LGR6: variants seen among roughly 807,000 people sequenced by gnomAD.
LGR6 encodes the protein leucine-rich repeat-containing G protein-coupled receptor 6.
Under a neutral mutation model 69.4 loss-of-function variants are expected in LGR6, and 45 were observed. The observed-to-expected ratio is 0.65, with a 90% confidence interval of 0.51 to 0.83. The LOEUF (loss-of-function observed/expected upper bound fraction) is 0.83. Ranked by LOEUF, LGR6 falls within the 40% of genes least tolerant of loss-of-function variation. LGR6 has a pLI of 0.00. For synonymous variants in LGR6, 538 were observed against 555.0 expected (o/e 0.97, Z 0.43); for missense variants, 1,108 against 1,246.7 (o/e 0.89, Z 1.68).
chr1:202,273,775 G>T (rs1443665872), intron 4 of LGR6, among the ~76,000 whole-genome samples: 2 of 152,020 alleles, frequency 1.3e-5, no homozygotes, highest in Admixed American at 6.5e-5. Context: ...ACCTCTTAAG[G>T]ATATCCAAAA....
At chr1:202,238,209 C>T (rs1661774228) in intron 4 of LGR6, among the ~76,000 whole-genome samples, 1 of 151,418 alleles carries the variant, frequency 6.6e-6, no homozygotes, top group Non-Finnish European at 1.5e-5. Context: ...CCACCCCTCA[C>T]CTTAGCCTCC....
At chr1:202,304,708 T>C in intron 11 of LGR6, 78 bp downstream of exon 11, 1 of 1,141,610 alleles carries the variant, frequency 8.8e-7, no homozygotes, top group East Asian at 2.4e-5. Context: ...CTCCTGCTTC[T>C]GTCCCACTTG....
At chr1:202,270,230 T>TTTTTGTTTTTGC (rs1664976853) in intron 4 of LGR6, among the ~76,000 whole-genome samples, 1 of 151,534 alleles carries the variant, frequency 6.6e-6, no homozygotes, top group Non-Finnish European at 1.5e-5. Context: ...TTTTGTTTTG[T>TTTTTGTTTTTGC]TTTTGTTTTT....
At chr1:202,302,540 G>A (rs552298033) in intron 9 of LGR6, among the ~76,000 whole-genome samples, 28 of 152,210 alleles carry the variant, frequency 1.8e-4, no homozygotes, top group Non-Finnish European at 3.4e-4. Flanking sequence ...AGAACTGATA[G>A]TTCTCTTTTT....
intron 4 of LGR6, among the ~76,000 whole-genome samples, chr1:202,239,183 T>C (rs1295661092): frequency 1.3e-5 from 2 of 152,182 alleles, no homozygotes; most frequent in South Asian, 4.1e-4. Context: ...GCTGTCTTGC[T>C]GGCGTACGCA....
intron 2 of LGR6, among the ~76,000 whole-genome samples, chr1:202,226,591 A>C (rs1660570528): frequency 6.6e-6 from 1 of 152,104 alleles, no homozygotes; most frequent in African/African-American, 2.4e-5. Flanking sequence ...TATCCAGACC[A>C]AGTACTTGTT....
intron 4 of LGR6, among the ~76,000 whole-genome samples, chr1:202,249,137 A>G (rs545300139): frequency 6.6e-6 from 1 of 152,204 alleles, no homozygotes; most frequent in South Asian, 2.1e-4. Context: ...CCTCCCCTTC[A>G]CAGTCCACAC....
intron 1 of LGR6, among the ~76,000 whole-genome samples, chr1:202,225,060 T>C (rs1558015806): frequency 6.6e-6 from 1 of 152,256 alleles, no homozygotes; most frequent in East Asian, 1.9e-4. Context: ...CTTCCCTTCC[T>C]GCTCTGAAAT....
intron 4 of LGR6, among the ~76,000 whole-genome samples, chr1:202,260,129 C>T (rs1242515916): frequency 6.6e-6 from 1 of 152,166 alleles, no homozygotes; most frequent in Non-Finnish European, 1.5e-5. Context: ...GCCTCAGCCT[C>T]CTGGGTTCAA....
chr1:202,225,560 C>A, intron 2 of LGR6, 66 bp downstream of exon 2: 1 of 1,416,662 alleles, frequency 7.1e-7, no homozygotes, highest in African/African-American at 1.4e-5. Context: ...GGAACCAGAG[C>A]TCCCCAGGAG....
At chr1:202,316,936 G>A (rs1475861141) in intron 17 of LGR6, among the ~76,000 whole-genome samples, 7 of 152,148 alleles carry the variant, frequency 4.6e-5, no homozygotes, top group Non-Finnish European at 1.0e-4. Context: ...GACCTAGGTT[G>A]GAAAACCCCA....
chr1:202,207,838 A>G (rs965539191), intron 1 of LGR6, among the ~76,000 whole-genome samples: 1 of 152,178 alleles, frequency 6.6e-6, no homozygotes, highest in African/African-American at 2.4e-5. Flanking sequence ...GATGTTAGCT[A>G]TTATTTTTCA....
intron 4 of LGR6, among the ~76,000 whole-genome samples, chr1:202,256,431 C>A (rs553555629): frequency 6.6e-6 from 1 of 151,942 alleles, no homozygotes; most frequent in African/African-American, 2.4e-5. Flanking sequence ...TTAGTAGAGA[C>A]GGGGTTTCAC....
chr1:202,303,715 A>G (rs1667773362), intron 10 of LGR6, among the ~76,000 whole-genome samples: 1 of 152,126 alleles, frequency 6.6e-6, no homozygotes, highest in South Asian at 2.1e-4. Context: ...ACGTTCTTGT[A>G]TTTTCTATTA....
At chr1:202,305,576 T>G in intron 11 of LGR6, 108 bp from the exon 12 acceptor site, 1 of 909,916 alleles carries the variant, frequency 1.1e-6, no homozygotes, top group Non-Finnish European at 1.8e-6. Flanking sequence ...CCCCACAGCC[T>G]TCAGCTAATT....
intron 1 of LGR6, among the ~76,000 whole-genome samples, chr1:202,200,847 G>C (rs551254283): frequency 2.0e-5 from 3 of 152,180 alleles, no homozygotes; most frequent in Non-Finnish European, 4.4e-5. Context: ...ATGGTGGGGG[G>C]AGAGCTCAGG....
Position 202,203,860 on chromosome 1 carries a change from T to A in LGR6, c.212+9659T>A, listed in dbSNP as rs199846988. Reference sequence around the variant, plus strand: ...TTGACACTTGTTTGTCAAGTGTCAATAATCATCTCTGCCCGGTGAGTTGTT... The same window carrying A: ...TTGACACTTGTTTGTCAAGTGTCAAAAATCATCTCTGCCCGGTGAGTTGTT... On this transcript the variant is annotated intron_variant, in intron 1 of 17. Coordinates refer to ENST00000367278, the MANE Select transcript of LGR6 (RefSeq NM_001017403.2). 1.5e-4 allele frequency: 238 copies of A among 1,613,464 alleles called. No homozygotes were observed. In the Middle Eastern group the frequency reaches 2.6e-3, roughly 18 times the overall value.
chr1:202,231,290 T>C (rs1661041490), intron 3 of LGR6, among the ~76,000 whole-genome samples: 3 of 152,130 alleles, frequency 2.0e-5, no homozygotes, highest in Admixed American at 6.5e-5. Flanking sequence ...CTGGGCTCCA[T>C]TAGTGTCGAT....
chr1:202,231,461 G>T (rs373961116), intron 3 of LGR6, among the ~76,000 whole-genome samples: 1 of 152,210 alleles, frequency 6.6e-6, no homozygotes, highest in Non-Finnish European at 1.5e-5. Flanking sequence ...CAAGTGATGG[G>T]ATGACAGGGA....
Sources: gnomAD v4.1 joint callset for allele counts (sites outside exome capture counted in the v4.1 genomes callset) on GRCh38, gnomAD v4.1.1 for gene constraint, MANE v1.5 for transcripts, NCBI Gene and HGNC (gene_info 2026-07-23, HGNC 2026-07-21) for gene names.